SWAP70: variants seen among roughly 807,000 people sequenced by gnomAD.
SWAP70 encodes the protein switch-associated protein 70.
SWAP70 carries 34 observed loss-of-function variants against 80.2 expected under a neutral mutation model. The ratio of observed to expected loss-of-function variants is 0.42; its 90% CI spans 0.32 to 0.56. The LOEUF is 0.56. Among genes scored for constraint, SWAP70 ranks in the 20% least tolerant of loss-of-function variants. The pLI, the probability that SWAP70 is intolerant of heterozygous loss-of-function variation, is 0.09. For missense variants in SWAP70, 578 were observed against 690.7 expected, an observed-to-expected ratio of 0.84 and a Z score of 1.83; for synonymous variants, 239 against 238.5, an observed-to-expected ratio of 1.00 and a Z score of -0.02.
At chr11:9,668,309 A>T (rs1290967327) in intron 1 of SWAP70, among the ~76,000 whole-genome samples, 3 of 152,184 alleles carry the variant, frequency 2.0e-5, no homozygotes, top group Non-Finnish European at 4.4e-5. Context: ...ATGGCTGCTT[A>T]TAGGAAAAGC....
chr11:9,697,153 A>T (rs1850769005), intron 2 of SWAP70, among the ~76,000 whole-genome samples: 2 of 151,936 alleles, frequency 1.3e-5, no homozygotes, highest in Non-Finnish European at 2.9e-5. Context: ...GATTTTTATT[A>T]TTATTTATAT....
chr11:9,712,854 G>A (rs1049348110), intron 2 of SWAP70, among the ~76,000 whole-genome samples: 2 of 149,778 alleles, frequency 1.3e-5, no homozygotes, highest in South Asian at 2.1e-4. Flanking sequence ...GCGCCACCAC[G>A]CCCGGCTAAT....
intron 9 of SWAP70, among the ~76,000 whole-genome samples, chr11:9,744,739 C>T (rs1022053930): frequency 2.6e-5 from 4 of 151,990 alleles, no homozygotes; most frequent in African/African-American, 9.7e-5. Flanking sequence ...GAAACCCTGT[C>T]TCTACTAAAA....
At chr11:9,721,952 G>A (rs399898) in intron 3 of SWAP70, among the ~76,000 whole-genome samples, 49,774 of 152,102 alleles carry the variant, frequency 0.33, 8,380 homozygotes, top group Non-Finnish European at 0.35. Flanking sequence ...TAAACCTACT[G>A]TTTCTGACAA....
chr11:9,713,472 GACA>G lies in SWAP70; in HGVS notation c.250_252del (p.Asn84del), dbSNP rs1383721413. 3 of 1,610,244 alleles carry G rather than the reference GACA, an allele frequency of 1.9e-6. No individual in the cohort carries two copies. In the African/African-American group the frequency reaches 4.0e-5, roughly 22 times the overall value. On this transcript the variant is annotated inframe_deletion, in exon 3 of 12. Transcript: ENST00000318950. ...TTTCCTTATTCCTTTTTAGGTCCAA[GACA>G]ACTTTGACAAGATTGAATTCAATAG...
At chr11:9,748,641 C>G (rs1283375050) in intron 10 of SWAP70, among the ~76,000 whole-genome samples, 4 of 151,804 alleles carry the variant, frequency 2.6e-5, no homozygotes, top group African/African-American at 4.9e-5. Context: ...GAAGAAAAGT[C>G]CCTCCCTCCT....
chr11:9,704,731 A>G (rs1017548047), intron 2 of SWAP70, among the ~76,000 whole-genome samples: 4 of 152,180 alleles, frequency 2.6e-5, no homozygotes, highest in South Asian at 4.1e-4. Context: ...GCATTTGCAC[A>G]TAACTGTTAG....
At chr11:9,743,281 T>C (rs1355693355) in intron 9 of SWAP70, among the ~76,000 whole-genome samples, 1 of 148,964 alleles carries the variant, frequency 6.7e-6, no homozygotes. Context: ...TGCCACATTT[T>C]CTTCATCCAG....
intron 1 of SWAP70, 74 bp downstream of exon 1, chr11:9,664,352 G>A (rs1255026976): frequency 3.1e-5 from 45 of 1,475,170 alleles, no homozygotes; most frequent in Non-Finnish European, 4.0e-5. Flanking sequence ...GTGGAAGCGG[G>A]ACCTGGCGGG....
rs565401785 is a variant in SWAP70 at position 9,740,093 on chromosome 11, A to G, written c.1189-88A>G. On this transcript the variant is annotated intron_variant, in intron 8 of 11. Transcript: ENST00000318950. ...TGCCACCCTGATGGGCTGAGGCTGCAGCTGTGGGCAACCCCTCAGGTGGAG... is the reference window on the plus strand; with the variant it reads ...TGCCACCCTGATGGGCTGAGGCTGCGGCTGTGGGCAACCCCTCAGGTGGAG... 123 of 1,245,394 alleles carry G rather than the reference A, an allele frequency of 9.9e-5. 1 individual carries two copies. The African/African-American group carries it at 1.5e-3, about 16-fold the overall frequency. The allele number at this position is 1,245,394 out of a possible 1,614,324, so 77.1% of individuals were successfully genotyped here.
intron 1 of SWAP70, among the ~76,000 whole-genome samples, chr11:9,674,351 C>T (rs151034932): frequency 2.0e-5 from 3 of 152,220 alleles, no homozygotes; most frequent in African/African-American, 7.2e-5. Flanking sequence ...ATGTTGCAGA[C>T]AGACTTTTGT....
intron 7 of SWAP70, among the ~76,000 whole-genome samples, chr11:9,736,919 C>T (rs569072908): frequency 7.9e-5 from 12 of 152,172 alleles, no homozygotes; most frequent in East Asian, 1.9e-4. Flanking sequence ...GTCTGTCAGA[C>T]GTTTGGCTGG....
chr11:9,742,764 G>A (rs1851457148), intron 9 of SWAP70, among the ~76,000 whole-genome samples: 1 of 152,002 alleles, frequency 6.6e-6, no homozygotes, highest in Admixed American at 6.6e-5. Flanking sequence ...AGGCCTTTCT[G>A]GATAGAAAAA....
intron 2 of SWAP70, 122 bp downstream of exon 2, chr11:9,694,408 C>A: frequency 8.7e-7 from 1 of 1,154,864 alleles, no homozygotes; most frequent in Non-Finnish European, 1.2e-6. Flanking sequence ...CTAGATAAAC[C>A]AGAAAGGAAG....
chr11:9,671,381 A>C (rs1590005835), intron 1 of SWAP70, among the ~76,000 whole-genome samples: 1 of 105,608 alleles, frequency 9.5e-6, no homozygotes, highest in Non-Finnish European at 1.7e-5. Context: ...TAAAAATAAA[A>C]ATATATAAAT....
At chr11:9,716,421 T>C (rs1851067014) in intron 3 of SWAP70, among the ~76,000 whole-genome samples, 1 of 152,198 alleles carries the variant, frequency 6.6e-6, no homozygotes, top group East Asian at 1.9e-4. Flanking sequence ...TATATTTGTT[T>C]AAAGCATAGT....
At chr11:9,713,016 T>G (rs1228293845) in intron 2 of SWAP70, among the ~76,000 whole-genome samples, 1 of 152,204 alleles carries the variant, frequency 6.6e-6, no homozygotes, top group African/African-American at 2.4e-5. Context: ...ACCGTGTATG[T>G]AAAGATAATG....
chr11:9,737,028 G>A lies in SWAP70; in HGVS notation c.1081-1185G>A, dbSNP rs189073668. Among the ~76,000 whole-genome samples, 17 of 152,326 alleles carry A rather than the reference G, an allele frequency of 1.1e-4. No homozygotes were observed. The East Asian group carries it at 2.5e-3, about 22-fold the overall frequency. ...ATTTGAGACCAGCCTGGGCAACATA[G>A]CGAGACCTCATAGCAGTCAACCAAC... On this transcript the variant is annotated intron_variant, in intron 7 of 11. Coordinates refer to ENST00000318950, the MANE Select transcript of SWAP70 (RefSeq NM_015055.4).
chr11:9,669,449 C>G (rs1363194923), intron 1 of SWAP70, among the ~76,000 whole-genome samples: 4 of 152,162 alleles, frequency 2.6e-5, no homozygotes, highest in Non-Finnish European at 5.9e-5. Context: ...AGGCTGGTCT[C>G]AAACTCCTGA....
Sources: allele counts gnomAD v4.1 joint callset (sites outside exome capture counted in the v4.1 genomes callset), GRCh38; gene constraint gnomAD v4.1.1; transcripts MANE v1.5; gene names NCBI Gene and HGNC (gene_info 2026-07-23, HGNC 2026-07-21).